The following LPP variants were observed in gnomAD, a reference collection of about 807,000 sequenced individuals.
LPP encodes the protein lipoma-preferred partner.
Under a neutral mutation model 60.4 loss-of-function variants are expected in LPP, and 38 were observed. The observed-to-expected ratio is 0.63, with a 90% confidence interval of 0.49 to 0.83. The LOEUF is 0.83. Among genes scored for constraint, LPP ranks in the 40% least tolerant of loss-of-function variants. The pLI, the probability that LPP is intolerant of heterozygous loss-of-function variation, is 0.00. For synonymous variants in LPP, 328 were observed against 290.8 expected, an observed-to-expected ratio of 1.13 and a Z score of -1.30; for missense variants, 902 against 783.6, an observed-to-expected ratio of 1.15 and a Z score of -1.80.
intron 9 of LPP, among the ~76,000 whole-genome samples, chr3:188,859,898 CT>C (rs1764780594): frequency 6.6e-6 from 1 of 152,100 alleles, no homozygotes; most frequent in African/African-American, 2.4e-5. Context: ...ATCAGGAAAA[CT>C]TTCATCTGTA....
intron 4 of LPP, among the ~76,000 whole-genome samples, chr3:188,452,130 C>A (rs1052024050): frequency 2.6e-5 from 4 of 152,110 alleles, no homozygotes; most frequent in African/African-American, 9.7e-5. Flanking sequence ...TTGTTTGACA[C>A]CCTCTTCAAG....
At chr3:188,722,083 A>G (rs1430644989) in intron 8 of LPP, among the ~76,000 whole-genome samples, 1 of 152,154 alleles carries the variant, frequency 6.6e-6, no homozygotes, top group African/African-American at 2.4e-5. Context: ...CAAGAATTAT[A>G]TTTCCTAGAT....
chr3:188,487,234 A>G (rs1400267138), intron 5 of LPP, among the ~76,000 whole-genome samples: 1 of 152,230 alleles, frequency 6.6e-6, no homozygotes, highest in African/African-American at 2.4e-5. Context: ...AATGAAATAC[A>G]GATGGATTTG....
intron 2 of LPP, among the ~76,000 whole-genome samples, chr3:188,239,035 A>C (rs1722891853): frequency 6.6e-6 from 1 of 152,266 alleles, no homozygotes; most frequent in Non-Finnish European, 1.5e-5. Context: ...ATCTAACAAA[A>C]GAATGACAAA....
intron 6 of LPP, among the ~76,000 whole-genome samples, chr3:188,531,652 A>T (rs1822206342): frequency 6.6e-6 from 1 of 152,194 alleles, no homozygotes; most frequent in Admixed American, 6.5e-5. Context: ...TCTTTATGCC[A>T]GGAGGGTGGC....
intron 7 of LPP, among the ~76,000 whole-genome samples, chr3:188,652,552 C>A (rs1030314905): frequency 4.6e-5 from 7 of 151,688 alleles, no homozygotes; most frequent in South Asian, 2.1e-4. Context: ...GCAAAAAAAA[C>A]CCTTTTCTCT....
At chr3:188,627,858 C>T (rs1057371234) in intron 7 of LPP, among the ~76,000 whole-genome samples, 1 of 152,046 alleles carries the variant, frequency 6.6e-6, no homozygotes, top group African/African-American at 2.4e-5. Context: ...TGACTACACA[C>T]CCATTCATAA....
At chr3:188,594,586 G>A (rs943176345) in intron 6 of LPP, among the ~76,000 whole-genome samples, 2 of 152,152 alleles carry the variant, frequency 1.3e-5, no homozygotes, top group Non-Finnish European at 1.5e-5. Flanking sequence ...AAAGTGATCA[G>A]TAAATGCTCA....
chr3:188,491,003 C>T (rs555811502), intron 5 of LPP, among the ~76,000 whole-genome samples: 8 of 152,048 alleles, frequency 5.3e-5, no homozygotes, highest in South Asian at 2.1e-4. Flanking sequence ...CCTCGTGATC[C>T]GCCTGCCTCA....
At chr3:188,657,978 T>C (rs1206040477) in intron 7 of LPP, among the ~76,000 whole-genome samples, 4 of 152,172 alleles carry the variant, frequency 2.6e-5, no homozygotes, top group African/African-American at 9.7e-5. Flanking sequence ...ATCTTAATAT[T>C]CCTATTAACC....
chr3:188,298,770 C>A (rs1560216045), intron 2 of LPP, among the ~76,000 whole-genome samples: 1 of 152,286 alleles, frequency 6.6e-6, no homozygotes, highest in South Asian at 2.1e-4. Context: ...TATAAAGGAA[C>A]AAAAGCTCAG....
At chr3:188,692,561 A>G (rs144201942) in intron 7 of LPP, among the ~76,000 whole-genome samples, 86 of 152,254 alleles carry the variant, frequency 5.6e-4, no homozygotes, top group African/African-American at 2.0e-3. Context: ...AGCTACAACC[A>G]TCTCCCCTTT....
intron 2 of LPP, among the ~76,000 whole-genome samples, chr3:188,306,765 A>G (rs927752101): frequency 1.3e-5 from 2 of 152,150 alleles, no homozygotes; most frequent in African/African-American, 2.4e-5. Context: ...CCACGTGGAG[A>G]TGCATCATTG....
At chr3:188,842,560 T>C (rs1362068839) in intron 9 of LPP, among the ~76,000 whole-genome samples, 1 of 152,222 alleles carries the variant, frequency 6.6e-6, no homozygotes, top group Non-Finnish European at 1.5e-5. Context: ...TGCCTGTGTT[T>C]GTGGGGTGTT....
intron 8 of LPP, among the ~76,000 whole-genome samples, chr3:188,753,283 T>C (rs529445406): frequency 6.6e-6 from 1 of 152,258 alleles, no homozygotes; most frequent in Non-Finnish European, 1.5e-5. Context: ...GCACAATAAT[T>C]TTCTATTTTT....
chr3:188,340,782 A>G (rs1333300147), intron 2 of LPP, among the ~76,000 whole-genome samples: 1 of 152,186 alleles, frequency 6.6e-6, no homozygotes, highest in African/African-American at 2.4e-5. Flanking sequence ...TGAGAGTGAC[A>G]TAGATTAATA....
intron 8 of LPP, among the ~76,000 whole-genome samples, chr3:188,741,523 A>G (rs533898856): frequency 2.1e-4 from 32 of 151,736 alleles, no homozygotes; most frequent in African/African-American, 7.7e-4. Context: ...CACTTTAACA[A>G]TATTGTCTTT....
At chr3:188,494,267 A>G (rs1809287576) in intron 5 of LPP, among the ~76,000 whole-genome samples, 1 of 152,092 alleles carries the variant, frequency 6.6e-6, no homozygotes. Context: ...CCTCCCTTAC[A>G]TGCCATACAT....
At chr3:188,832,038 T>C (rs1029384558) in intron 9 of LPP, among the ~76,000 whole-genome samples, 1 of 152,216 alleles carries the variant, frequency 6.6e-6, no homozygotes, top group Admixed American at 6.5e-5. Context: ...TAGATACTTG[T>C]GGAGGACAGG....
Sources: gnomAD v4.1 joint callset for allele counts (sites outside exome capture counted in the v4.1 genomes callset) on GRCh38, gnomAD v4.1.1 for gene constraint, MANE v1.5 for transcripts, NCBI Gene and HGNC (gene_info 2026-07-23, HGNC 2026-07-21) for gene names.